Variants in CNTNAP2 observed in about 807,000 individuals in gnomAD.
The protein encoded by CNTNAP2 is contactin associated protein 2.
Under a neutral mutation model 155.2 loss-of-function variants are expected in CNTNAP2, and 98 were observed. That is an observed-to-expected ratio of 0.63 (90% CI 0.54 to 0.75). The LOEUF (loss-of-function observed/expected upper bound fraction) is 0.75. Among genes scored for constraint, CNTNAP2 ranks in the 30% least tolerant of loss-of-function variants. The pLI is 0.00. For synonymous variants in CNTNAP2, 651 were observed against 631.2 expected, an observed-to-expected ratio of 1.03 and a Z score of -0.47; for missense variants, 1,727 against 1,688.1, an observed-to-expected ratio of 1.02 and a Z score of -0.40.
intron 11 of CNTNAP2, 94 bp from the exon 12 acceptor site, chr7:147,562,044 T>A (rs1394793954): frequency 2.5e-5 from 37 of 1,494,278 alleles, no homozygotes; most frequent in Non-Finnish European, 3.2e-5. Context: ...TCCTAACTAG[T>A]GGTTTGCTAG....
intron 1 of CNTNAP2, among the ~76,000 whole-genome samples, chr7:146,325,099 T>C (rs1394190076): frequency 6.6e-6 from 1 of 151,942 alleles, no homozygotes; most frequent in Non-Finnish European, 1.5e-5. Context: ...TACCAATTTT[T>C]TGTTTTTTTT....
intron 1 of CNTNAP2, among the ~76,000 whole-genome samples, chr7:146,550,429 T>C (rs1006481792): frequency 7.3e-6 from 1 of 136,388 alleles, no homozygotes; most frequent in Admixed American, 8.5e-5. Flanking sequence ...TTTTTTTTTT[T>C]ATAAAGTACC....
At chr7:147,708,090 C>T (rs1039824564) in intron 13 of CNTNAP2, among the ~76,000 whole-genome samples, 1 of 152,038 alleles carries the variant, frequency 6.6e-6, no homozygotes, top group Admixed American at 6.5e-5. Context: ...CACATGTCCC[C>T]AAAGAAATGT....
In CNTNAP2 at chr7:147,580,679, G is replaced by A. The variant is rs113741527; in HGVS notation, c.1897+18422G>A. Among the ~76,000 whole-genome samples the A allele has an allele frequency of 9.3e-5, 14 of 150,914 alleles. 1 individual carries two copies. Among genetic ancestry groups the A allele is most frequent in the African/African-American group, 3.4e-4 (14 of 41,036 alleles). On this transcript the variant is annotated intron_variant, in intron 12 of 23. Coordinates refer to ENST00000361727, the MANE Select transcript of CNTNAP2 (RefSeq NM_014141.6). ...TGCCCAGGCTGAAGTGCAATGGCAC[G>A]ATCTCTGCTCACTGCAACCTTCGCC... is the stretch of plus-strand genomic sequence containing the variant.
chr7:147,189,748 T>TTGTTG (rs71753507), intron 8 of CNTNAP2, among the ~76,000 whole-genome samples: 1 of 151,526 alleles, frequency 6.6e-6, no homozygotes. Context: ...ACCACTTTTT[T>TTGTTG]TTGTTGTTGT....
At chr7:146,905,934 G>T (rs1796112875) in intron 3 of CNTNAP2, among the ~76,000 whole-genome samples, 2 of 152,180 alleles carry the variant, frequency 1.3e-5, no homozygotes, top group Non-Finnish European at 2.9e-5. Flanking sequence ...CAGGCCAGTG[G>T]GTGCACGCAC....
At chr7:146,507,219 G>T (rs765844481) in intron 1 of CNTNAP2, among the ~76,000 whole-genome samples, 61 of 152,172 alleles carry the variant, frequency 4.0e-4, no homozygotes, top group Admixed American at 7.9e-4. Context: ...ATATACAGTT[G>T]TTAATTCCTT....
chr7:147,540,907 T>C (rs1391865110), intron 11 of CNTNAP2, among the ~76,000 whole-genome samples: 1 of 152,032 alleles, frequency 6.6e-6, no homozygotes, highest in Non-Finnish European at 1.5e-5. Flanking sequence ...TGCAGCGTAA[T>C]CCAGTGATTG....
At chr7:146,817,727 C>G (rs955789618) in intron 2 of CNTNAP2, among the ~76,000 whole-genome samples, 3 of 152,044 alleles carry the variant, frequency 2.0e-5, no homozygotes, top group Admixed American at 6.6e-5. Flanking sequence ...ACTCCCTCAT[C>G]ATGATGAGAA....
At chr7:147,670,245 C>A (rs1439116175) in intron 13 of CNTNAP2, among the ~76,000 whole-genome samples, 1 of 152,026 alleles carries the variant, frequency 6.6e-6, no homozygotes, top group Non-Finnish European at 1.5e-5. Flanking sequence ...CTGCATTAAT[C>A]CTGAACACAT....
At chr7:146,590,989 G>T (rs1263145441) in intron 1 of CNTNAP2, among the ~76,000 whole-genome samples, 1 of 151,968 alleles carries the variant, frequency 6.6e-6, no homozygotes, top group African/African-American at 2.4e-5. Context: ...TTGCTTATTG[G>T]TAGCATATAA....
intron 14 of CNTNAP2, among the ~76,000 whole-genome samples, chr7:147,966,999 A>G (rs566425904): frequency 6.6e-6 from 1 of 152,202 alleles, no homozygotes; most frequent in South Asian, 2.1e-4. Context: ...TTAAAAGAAT[A>G]CTGGGCCATT....
chr7:147,088,430 T>C (rs1800326300), intron 4 of CNTNAP2, among the ~76,000 whole-genome samples: 1 of 152,184 alleles, frequency 6.6e-6, no homozygotes. Context: ...TTTCTAACCT[T>C]AAATTTTGAG....
intron 3 of CNTNAP2, among the ~76,000 whole-genome samples, chr7:146,846,144 G>A (rs10257100): frequency 0.037 from 5,658 of 152,090 alleles, 353 homozygotes; most frequent in African/African-American, 0.13. Flanking sequence ...ATCTTCCATC[G>A]GATAATAACT....
intron 16 of CNTNAP2, among the ~76,000 whole-genome samples, chr7:148,139,335 A>G (rs1448935594): frequency 3.3e-5 from 5 of 152,246 alleles, no homozygotes; most frequent in Non-Finnish European, 7.3e-5. Flanking sequence ...AAAGAAAAAT[A>G]GGTCATTTTT....
chr7:147,311,867 C>T (rs536748425), intron 9 of CNTNAP2, among the ~76,000 whole-genome samples: 55 of 152,000 alleles, frequency 3.6e-4, no homozygotes, highest in Non-Finnish European at 5.0e-4. Flanking sequence ...AATGGGATCC[C>T]GTGCCTATAA....
At chr7:148,186,038 T>C (rs1403019414) in intron 18 of CNTNAP2, among the ~76,000 whole-genome samples, 1 of 152,256 alleles carries the variant, frequency 6.6e-6, no homozygotes, top group Non-Finnish European at 1.5e-5. Flanking sequence ...AATGAATTTA[T>C]GATTACTCAG....
chr7:148,272,335 A>T (rs1413157172), intron 21 of CNTNAP2, among the ~76,000 whole-genome samples: 1 of 152,204 alleles, frequency 6.6e-6, no homozygotes, highest in African/African-American at 2.4e-5. Flanking sequence ...GAGTGATGTC[A>T]TAGACTTTAT....
Position 147,442,014 on chromosome 7 carries a change from G to T in CNTNAP2, c.1671-43921G>T, listed in dbSNP as rs572011120. On this transcript the variant is annotated intron_variant, in intron 10 of 23. Coordinates refer to ENST00000361727, the MANE Select transcript of CNTNAP2 (RefSeq NM_014141.6). Reference sequence around the variant, plus strand: ...CAGCATCTGTTGTAATCACTCTCTGGCTACTGCCTATGTTTCCTCAAGGCC... The same window carrying T: ...CAGCATCTGTTGTAATCACTCTCTGTCTACTGCCTATGTTTCCTCAAGGCC... 2.6e-5 allele frequency among the ~76,000 whole-genome samples: 4 copies of T among 152,058 alleles called. No individual in the cohort carries two copies. In the South Asian group the frequency reaches 8.3e-4, roughly 32 times the overall value.
Sources: allele counts gnomAD v4.1 joint callset (sites outside exome capture counted in the v4.1 genomes callset), GRCh38; gene constraint gnomAD v4.1.1; transcripts MANE v1.5; gene names NCBI Gene and HGNC (gene_info 2026-07-23, HGNC 2026-07-21).